Variants in TMEM33 observed in about 807,000 individuals in gnomAD.
TMEM33 encodes transmembrane protein 33.
In TMEM33, 16 loss-of-function variants were observed where a neutral mutation model predicts 29.7. The observed-to-expected ratio is 0.54, with a 90% CI of 0.36 to 0.82. The LOEUF (loss-of-function observed/expected upper bound fraction) is 0.82. TMEM33 is among the 40% of genes least tolerant of loss of function. TMEM33 has a pLI of 0.00. For missense variants in TMEM33, 252 were observed against 295.3 expected (o/e 0.85, Z 1.08); for synonymous variants, 112 against 109.4 (o/e 1.02, Z -0.15).
intron 6 of TMEM33, among the ~76,000 whole-genome samples, chr4:41,952,969 C>G (rs1350014633): frequency 6.6e-6 from 1 of 151,796 alleles, no homozygotes; most frequent in East Asian, 1.9e-4. Flanking sequence ...TTTTCTTGTT[C>G]TGTTTTAAAA....
At chr4:41,949,255 C>A in intron 5 of TMEM33, 47 bp from the exon 6 acceptor site, 1 of 1,348,440 alleles carries the variant, frequency 7.4e-7, no homozygotes, top group Non-Finnish European at 1.0e-6. Flanking sequence ...AGAGTATACA[C>A]ATGAATTGAA....
intron 3 of TMEM33, among the ~76,000 whole-genome samples, chr4:41,942,663 T>A (rs1314008268): frequency 6.6e-6 from 1 of 151,508 alleles, no homozygotes; most frequent in African/African-American, 2.4e-5. Flanking sequence ...TTTTTTTTTT[T>A]AATCAACCTG....
At chr4:41,944,554 G>A (rs1456360486) in intron 4 of TMEM33, among the ~76,000 whole-genome samples, 1 of 152,120 alleles carries the variant, frequency 6.6e-6, no homozygotes, top group Non-Finnish European at 1.5e-5. Flanking sequence ...TTGAGAAAAA[G>A]CAGCTAAGAA....
At chr4:41,935,214 G>T, upstream of TMEM33, 2 of 567,896 alleles carry the variant, frequency 3.5e-6, no homozygotes, top group Non-Finnish European at 6.3e-6. Flanking sequence ...CTCCACCTTC[G>T]CTCCCGTCTT....
intron 3 of TMEM33, chr4:41,939,692 T>C: frequency 2.1e-6 from 1 of 475,058 alleles, no homozygotes. Flanking sequence ...ATTTACATTT[T>C]TTTCATTTAA....
In TMEM33 at chr4:41,957,330, C is replaced by T. The variant is rs1016490633; in HGVS notation, c.*3131C>T. ...ATCCTCCTGGAAGAAAGAAAGCAAG[C>T]GAACTTTTTAAAGAAAATTAGACTT... On this transcript the variant is annotated 3_prime_UTR_variant, in exon 7 of 7. Coordinates refer to ENST00000504986, the MANE Select transcript of TMEM33 (RefSeq NM_018126.3). The T allele has an allele frequency of 2.0e-4, 29 of 142,226 alleles. No individual in the cohort carries two copies. The highest frequency in any genetic ancestry group is 6.9e-4 in the African/African-American group (26 of 37,726). The allele number at this position is 142,226 out of a possible 1,614,324, so 8.8% of individuals were successfully genotyped here. A position where few individuals can be genotyped will look rare whatever the true frequency, so the allele number is the denominator to read the frequency against.
rs866272507 is a variant in TMEM33, at chr4:41,939,707, C to T, written c.328+324C>T. ...ATTTACATTTTTTTCATTTAATTCACGTTTTTGGCAAAGTGTCCAGATGTC... is the reference window on the plus strand; with the variant it reads ...ATTTACATTTTTTTCATTTAATTCATGTTTTTGGCAAAGTGTCCAGATGTC... On this transcript the variant is annotated intron_variant, in intron 3 of 6. Transcript: ENST00000504986. The T allele has an allele frequency of 2.8e-5, 13 of 464,266 alleles. No homozygotes were observed. The Middle Eastern group carries it at 9.6e-4, about 34-fold the overall frequency. The allele number at this position is 464,266 out of a possible 1,614,324, so 28.8% of individuals were successfully genotyped here.
At chr4:41,937,843 T>G (rs1374836618) in intron 1 of TMEM33, among the ~76,000 whole-genome samples, 1 of 151,850 alleles carries the variant, frequency 6.6e-6, no homozygotes, top group Non-Finnish European at 1.5e-5. Flanking sequence ...AAAGGAAAGA[T>G]AGAATGGGAA....
chr4:41,960,206 G>A lies in TMEM33; in HGVS notation c.*6007G>A, dbSNP rs1713416806. On this transcript the variant is annotated 3_prime_UTR_variant, in exon 7 of 7. Transcript: ENST00000504986. ...GGACCTCATTCACTCTTTCTTTTAT[G>A]CAGTGATTTACTGGTCCCTACTGAT... 1 of 152,128 alleles carries A rather than the reference G, an allele frequency of 6.6e-6. No individual in the cohort carries two copies. The highest frequency in any genetic ancestry group is 1.5e-5 in the Non-Finnish European group (1 of 67,992). The allele number at this position is 152,128 out of a possible 1,614,324, so 9.4% of individuals were successfully genotyped here. A position where few individuals can be genotyped will look rare whatever the true frequency, so the allele number is the denominator to read the frequency against.
At chr4:41,953,763 G>A in intron 6 of TMEM33, 1 of 466,300 alleles carries the variant, frequency 2.1e-6, no homozygotes, top group Non-Finnish European at 4.3e-6. Context: ...TGTGCAGTTT[G>A]TGGTGCCCCA....
At chr4:41,948,463 A>AT (rs983151047) in intron 5 of TMEM33, among the ~76,000 whole-genome samples, 5 of 151,916 alleles carry the variant, frequency 3.3e-5, no homozygotes, top group South Asian at 2.1e-4. Context: ...AATCGTGTAA[A>AT]TTTTTTTTAA....
rs1216556492 is a variant in TMEM33, at chr4:41,957,066, G to T, written c.*2867G>T. On this transcript the variant is annotated 3_prime_UTR_variant, in exon 7 of 7. Transcript: ENST00000504986. ...AAGAAGTTCATTTAACATCCAGTGT[G>T]TCTAATTCTTCTGGAAGTGGTGTAG... 6.6e-6 allele frequency: 1 copy of T among 152,150 alleles called. No individual in the cohort carries two copies. Among genetic ancestry groups the T allele is most frequent in the Non-Finnish European group, 1.5e-5 (1 of 67,976 alleles). The allele number at this position is 152,150 out of a possible 1,614,324, so 9.4% of individuals were successfully genotyped here.
intron 3 of TMEM33, among the ~76,000 whole-genome samples, chr4:41,940,780 C>T (rs1712501811): frequency 6.9e-6 from 1 of 145,572 alleles, no homozygotes; most frequent in African/African-American, 2.6e-5. Flanking sequence ...TGCACTCTAG[C>T]CTGGGCGACA....
intron 1 of TMEM33, among the ~76,000 whole-genome samples, chr4:41,937,699 A>C (rs998229896): frequency 2.6e-5 from 4 of 152,230 alleles, no homozygotes; most frequent in African/African-American, 7.2e-5. Context: ...TATGGATCTC[A>C]ATGTTAAAAT....
At position 41,954,141 on chromosome 4, in the gene TMEM33, G is replaced by A. The variant is rs377474119; in HGVS notation, c.686G>A (p.Arg229Lys). ...IMKPACPLFV[R>K]RLCLQSIAFI... ...AAACCTGCTTGCCCACTGTTTGTGAGAAGACTTTGTCTCCAGAGCATTGCC... is the reference window on the plus strand; with the variant it reads ...AAACCTGCTTGCCCACTGTTTGTGAAAAGACTTTGTCTCCAGAGCATTGCC... Residue 229 changes from arginine (R) to lysine (K), a missense_variant, in exon 7 of 7, where the codon AGA becomes AAA. Coordinates refer to ENST00000504986, the MANE Select transcript of TMEM33 (RefSeq NM_018126.3). The A allele has an allele frequency of 6.2e-7, 1 of 1,613,988 alleles. No homozygotes were observed. Among genetic ancestry groups the A allele is most frequent in the Non-Finnish European group, 8.5e-7 (1 of 1,179,878 alleles).
intron 1 of TMEM33, among the ~76,000 whole-genome samples, chr4:41,938,039 G>T (rs994424942): frequency 1.3e-5 from 2 of 152,200 alleles, no homozygotes; most frequent in African/African-American, 4.8e-5. Flanking sequence ...CATGTAGGCA[G>T]ATTACAAGGC....
chr4:41,954,330 G>T lies in TMEM33; in HGVS notation c.*131G>T, dbSNP rs1233693644. 1.0e-6 allele frequency: 1 copy of T among 999,044 alleles called. No individual in the cohort carries two copies. The allele number at this position is 999,044 out of a possible 1,614,324, so 61.9% of individuals were successfully genotyped here. The stretch of plus-strand genomic sequence containing the variant: ...ACATAATTTACATAAATGCATCTCG[G>T]TGGAAAAATAATCATTTTCTTGGCA... On this transcript the variant is annotated 3_prime_UTR_variant, in exon 7 of 7. Transcript: ENST00000504986.
intron 5 of TMEM33, among the ~76,000 whole-genome samples, chr4:41,947,575 C>T (rs751970962): frequency 7.4e-4 from 113 of 151,938 alleles, no homozygotes; most frequent in Non-Finnish European, 1.3e-3. Flanking sequence ...TGAGAATTTA[C>T]CAGAAATGTT....
At chr4:41,943,609 A>T in intron 3 of TMEM33, 138 bp from the exon 4 acceptor site, 1 of 666,166 alleles carries the variant, frequency 1.5e-6, no homozygotes, top group Non-Finnish European at 2.6e-6. Flanking sequence ...TTTGGCTTAA[A>T]GTGTATCAGT....
Sources: gnomAD v4.1 joint callset for allele counts (sites outside exome capture counted in the v4.1 genomes callset) on GRCh38, gnomAD v4.1.1 for gene constraint, MANE v1.5 for transcripts, NCBI Gene and HGNC (gene_info 2026-07-23, HGNC 2026-07-21) for gene names.